The following SYCP2 variants were observed in gnomAD, a reference collection of about 807,000 sequenced individuals.
SYCP2 encodes the protein synaptonemal complex protein 2, also known as synaptonemal complex lateral element protein.
A neutral mutation model predicts 211.3 loss-of-function variants in SYCP2; 55 were observed. The ratio of observed to expected loss-of-function variants is 0.26; its 90% CI spans 0.21 to 0.33. The LOEUF (loss-of-function observed/expected upper bound fraction) is 0.33, where lower values mean the gene tolerates loss of function less well. Among genes scored for constraint, SYCP2 ranks in the 10% least tolerant of loss-of-function variants. SYCP2 has a pLI of 1.00. For synonymous variants in SYCP2, 570 were observed against 555.2 expected, an observed-to-expected ratio of 1.03 and a Z score of -0.37; for missense variants, 1,731 against 1,752.0, an observed-to-expected ratio of 0.99 and a Z score of 0.21.
chr20:59,868,081 G>A (rs2059385874), intron 38 of SYCP2, among the ~76,000 whole-genome samples: 1 of 151,618 alleles, frequency 6.6e-6, no homozygotes, highest in African/African-American at 2.4e-5. Context: ...ACTACTTTAA[G>A]CTGGAACATT....
intron 24 of SYCP2, among the ~76,000 whole-genome samples, chr20:59,891,748 G>A (rs2059910657): frequency 6.6e-6 from 1 of 151,956 alleles, no homozygotes. Context: ...AAAAAGAAGA[G>A]ACAGGAACTG....
At chr20:59,890,390 G>A (rs1398307653) in intron 24 of SYCP2, among the ~76,000 whole-genome samples, 1 of 152,128 alleles carries the variant, frequency 6.6e-6, no homozygotes, top group African/African-American at 2.4e-5. Context: ...ACACACTGGG[G>A]CCTGTTGGGG....
chr20:59,896,128 G>C (rs1429139263), intron 19 of SYCP2, among the ~76,000 whole-genome samples: 2 of 152,008 alleles, frequency 1.3e-5, no homozygotes, highest in African/African-American at 4.8e-5. Flanking sequence ...GTACACAGCT[G>C]GAAGTGGGGA....
chr20:59,900,968 C>T (rs1056898770), intron 16 of SYCP2, 150 bp from the exon 17 acceptor site: 2 of 639,106 alleles, frequency 3.1e-6, no homozygotes, highest in Non-Finnish European at 5.6e-6. Flanking sequence ...TATATGAATA[C>T]CTTCTCAGAA....
At position 59,932,043 on chromosome 20, in the gene SYCP2, A is replaced by C. The variant is rs2060757512; in HGVS notation, c.-47+19T>G. 1 of 152,238 alleles carries C rather than the reference A, an allele frequency of 6.6e-6. No individual in the cohort carries two copies. Among genetic ancestry groups the C allele is most frequent in the Non-Finnish European group, 1.5e-5 (1 of 68,050 alleles). The allele number at this position is 152,238 out of a possible 1,614,324, so 9.4% of individuals were successfully genotyped here. On this transcript the variant is annotated intron_variant, in intron 2 of 44. Transcript: ENST00000357552. ...ACCGAGAACAGAATAATAATGTTTC[A>C]AGAGAAGCGTGGATTTACCTGACAA...
chr20:59,892,515 C>T (rs1336445515), intron 23 of SYCP2, 53 bp downstream of exon 23: 13 of 1,544,006 alleles, frequency 8.4e-6, no homozygotes, highest in South Asian at 3.8e-5. Context: ...ACTTGTTAGA[C>T]ATTTGAGGAA....
At chr20:59,929,997 A>G (rs1430832048) in intron 2 of SYCP2, among the ~76,000 whole-genome samples, 2 of 152,186 alleles carry the variant, frequency 1.3e-5, no homozygotes, top group African/African-American at 2.4e-5. Context: ...ATTAGGACAG[A>G]GCAAAAGGGG....
intron 18 of SYCP2, among the ~76,000 whole-genome samples, chr20:59,898,327 CA>C (rs2060050130): frequency 6.6e-6 from 1 of 152,124 alleles, no homozygotes; most frequent in Admixed American, 6.5e-5. Context: ...CCCAAATGCC[CA>C]TCAATGATAG....
intron 2 of SYCP2, among the ~76,000 whole-genome samples, chr20:59,928,208 G>T (rs768864269): frequency 5.9e-5 from 9 of 152,192 alleles, no homozygotes; most frequent in Non-Finnish European, 1.3e-4. Flanking sequence ...ATTCCAGCGA[G>T]GCTCAACATA....
intron 7 of SYCP2, among the ~76,000 whole-genome samples, chr20:59,917,574 C>T (rs1320623782): frequency 6.6e-6 from 1 of 152,104 alleles, no homozygotes; most frequent in East Asian, 1.9e-4. Flanking sequence ...ATTTAGACTA[C>T]ATTGTTATGT....
intron 15 of SYCP2, among the ~76,000 whole-genome samples, chr20:59,905,496 AAG>A (rs1323946754): frequency 1.3e-5 from 2 of 152,148 alleles, no homozygotes; most frequent in African/African-American, 4.8e-5. Flanking sequence ...TTCTAAAAGA[AAG>A]AAGCTGGACA....
chr20:59,900,093 G>A (rs981387978), intron 18 of SYCP2, 45 bp downstream of exon 18: 1 of 1,585,236 alleles, frequency 6.3e-7, no homozygotes, highest in Non-Finnish European at 8.7e-7. Context: ...ACAGTGATTT[G>A]ATCAATGGTA....
chr20:59,888,671 A>G (rs1193485511), intron 24 of SYCP2, among the ~76,000 whole-genome samples: 2 of 152,038 alleles, frequency 1.3e-5, no homozygotes, highest in Non-Finnish European at 2.9e-5. Flanking sequence ...CAGAAAAAGG[A>G]AATAACAGGT....
intron 33 of SYCP2, among the ~76,000 whole-genome samples, chr20:59,877,146 T>C (rs6027161): frequency 0.018 from 2,741 of 152,304 alleles, 87 homozygotes; most frequent in African/African-American, 0.063. Flanking sequence ...TCAAAGATAC[T>C]ATCATCAAGT....
chr20:59,873,476 C>CA (rs1484920102), intron 35 of SYCP2, among the ~76,000 whole-genome samples: 1 of 152,148 alleles, frequency 6.6e-6, no homozygotes, highest in Non-Finnish European at 1.5e-5. Context: ...CTCAATATTT[C>CA]ATCACACTAT....
At chr20:59,909,181 T>A (rs2060270063) in intron 14 of SYCP2, among the ~76,000 whole-genome samples, 1 of 152,200 alleles carries the variant, frequency 6.6e-6, no homozygotes, top group Admixed American at 6.5e-5. Context: ...CCTGTAGAAA[T>A]TTGTTTTTCA....
chr20:59,886,269 C>A (rs1047073922), intron 25 of SYCP2, among the ~76,000 whole-genome samples: 1 of 151,884 alleles, frequency 6.6e-6, no homozygotes, highest in African/African-American at 2.4e-5. Flanking sequence ...GAATTAACCA[C>A]CTAATAGACT....
At chr20:59,875,208 C>T (rs1266235804) in intron 34 of SYCP2, 63 bp downstream of exon 34, 2 of 1,047,686 alleles carry the variant, frequency 1.9e-6, no homozygotes, top group African/African-American at 1.6e-5. Flanking sequence ...TGTATTTTCC[C>T]ATAATTAGAG....
intron 31 of SYCP2, 78 bp from the exon 32 acceptor site, chr20:59,878,123 C>A (rs745940117): frequency 1.1e-4 from 109 of 960,086 alleles, no homozygotes; most frequent in Non-Finnish European, 1.7e-4. Context: ...ATCATTTCAG[C>A]ATATTTAAAT....
Sources: allele counts gnomAD v4.1 joint callset (sites outside exome capture counted in the v4.1 genomes callset), GRCh38; gene constraint gnomAD v4.1.1; transcripts MANE v1.5; gene names NCBI Gene and HGNC (gene_info 2026-07-23, HGNC 2026-07-21).